CLEC2A: variants seen among roughly 807,000 people sequenced by gnomAD.
CLEC2A encodes the protein C-type lectin domain family 2 member A, also known as keratinocyte-associated C-type lectin.
A neutral mutation model predicts 18.6 loss-of-function variants in CLEC2A; 19 were observed. The ratio of observed to expected loss-of-function variants is 1.02; its 90% CI spans 0.71 to 1.50. The LOEUF is 1.50. CLEC2A is among the 40% of genes most tolerant of loss of function. The pLI is 0.00. For synonymous variants in CLEC2A, 74 were observed against 64.0 expected (o/e 1.16, Z -0.75); for missense variants, 190 against 207.9 (o/e 0.91, Z 0.53).
chr12:9,902,725 A>T (rs111643094), intron 4 of CLEC2A, among the ~76,000 whole-genome samples: 228 of 152,188 alleles, frequency 1.5e-3, no homozygotes, highest in African/African-American at 5.4e-3. Flanking sequence ...TCAGCAAGGC[A>T]ATTTACTTCT....
At chr12:9,895,423 A>G (rs1460201509), downstream of CLEC2A, among the ~76,000 whole-genome samples, 1 of 152,222 alleles carries the variant, frequency 6.6e-6, no homozygotes, top group Non-Finnish European at 1.5e-5. Flanking sequence ...TAGAATACTC[A>G]GGTCTTGCAG....
In CLEC2A at chr12:9,916,851, C is replaced by G. The variant is rs1313353780; in HGVS notation, c.307-48G>C. On this transcript the variant is annotated intron_variant, in intron 3 of 4. Coordinates refer to ENST00000455827, the MANE Select transcript of CLEC2A (RefSeq NM_001130711.2). Reference sequence around the variant, plus strand: ...AGCGATTACTTAATATGTTACAGCACATTGCTGAACATGCTTCCCACCCCA... The same window carrying G: ...AGCGATTACTTAATATGTTACAGCAGATTGCTGAACATGCTTCCCACCCCA... The G allele has an allele frequency of 3.8e-6, 4 of 1,058,834 alleles. No homozygotes were observed. The East Asian group carries it at 1.0e-4, about 28-fold the overall frequency. 65.6% of individuals were successfully genotyped at this position (1,058,834 alleles called of 1,614,324 possible). A position where few individuals can be genotyped will look rare whatever the true frequency, so the allele number is the denominator to read the frequency against.
chr12:9,893,348 C>A, the CLEC2A span: 1 of 813,266 alleles, frequency 1.2e-6, no homozygotes, highest in Non-Finnish European at 1.9e-6. Context: ...TTTATTAATG[C>A]CGGCACAGAG....
At chr12:9,886,986 T>C in the CLEC2A span, among the ~76,000 whole-genome samples, 1 of 151,946 alleles carries the variant, frequency 6.6e-6, no homozygotes, top group African/African-American at 2.4e-5. Flanking sequence ...GCTAACCAAA[T>C]ATCCCGGAGC....
downstream of CLEC2A, among the ~76,000 whole-genome samples, chr12:9,894,087 TTC>T (rs138674082): frequency 8.4e-3 from 1,280 of 151,734 alleles, 27 homozygotes; most frequent in East Asian, 0.063. Flanking sequence ...TTCTCTCTTC[TTC>T]TTTCTCTTTC....
chr12:9,895,547 A>C (rs1862747018), downstream of CLEC2A: 1 of 667,940 alleles, frequency 1.5e-6, no homozygotes, highest in Non-Finnish European at 2.4e-6. Flanking sequence ...AGGCTGCATT[A>C]GCAATGAAAA....
rs760735113 is a variant in CLEC2A at position 9,926,286 on chromosome 12, A to T, written c.113T>A (p.Ile38Asn). 1 of 1,548,398 alleles carries T rather than the reference A, an allele frequency of 6.5e-7. No homozygotes were observed. The highest frequency in any genetic ancestry group is 1.2e-5 in the South Asian group (1 of 84,002). The change falls in exon 2 of 5, where the codon ATT becomes AAT. Residue 38 changes from isoleucine (I) to asparagine (N), a missense_variant. By Grantham distance (149) the Ile-to-Asn change is moderately radical. Coordinates refer to ENST00000455827, the MANE Select transcript of CLEC2A (RefSeq NM_001130711.2). ...IGLMCFLSII[I>N]TTVCIIMIAT... is the part of the protein sequence containing the mutation. The stretch of plus-strand genomic sequence containing the variant: ...TATCATAATAATGCAAACTGTAGTA[A>T]TAATAATACTCAGGAAGCACATAAG...
intron 3 of CLEC2A, among the ~76,000 whole-genome samples, chr12:9,918,774 A>G (rs1409135100): frequency 6.6e-6 from 1 of 152,172 alleles, no homozygotes; most frequent in African/African-American, 2.4e-5. Context: ...CACTCTGACT[A>G]TTTGAGTTAC....
downstream of CLEC2A, chr12:9,895,767 C>T (rs1300472382): frequency 1.3e-5 from 20 of 1,535,746 alleles, no homozygotes; most frequent in Non-Finnish European, 1.5e-5. Flanking sequence ...AAGACTGTAG[C>T]TCCACATTTA....
chr12:9,887,389 T>G, the CLEC2A span, among the ~76,000 whole-genome samples: 46 of 152,288 alleles, frequency 3.0e-4, no homozygotes, highest in Non-Finnish European at 6.5e-4. Context: ...CAAAGCAAAT[T>G]AGCATCAGAT....
chr12:9,926,918 C>T (rs938555096), intron 1 of CLEC2A, among the ~76,000 whole-genome samples: 2 of 152,008 alleles, frequency 1.3e-5, no homozygotes, highest in East Asian at 3.8e-4. Context: ...ATTTGACACT[C>T]GTGGAAATGC....
intron 3 of CLEC2A, among the ~76,000 whole-genome samples, chr12:9,919,586 G>T (rs1267203931): frequency 6.6e-6 from 1 of 152,216 alleles, no homozygotes; most frequent in African/African-American, 2.4e-5. Context: ...GCTGCTACTG[G>T]CTCAATAGCG....
downstream of CLEC2A, among the ~76,000 whole-genome samples, chr12:9,908,722 A>G (rs923217464): frequency 1.3e-5 from 2 of 152,196 alleles, no homozygotes; most frequent in Non-Finnish European, 2.9e-5. Context: ...TTCCACATTT[A>G]AAACATCTAT....
At chr12:9,912,178 T>A (rs1463725979), downstream of CLEC2A, among the ~76,000 whole-genome samples, 1 of 152,192 alleles carries the variant, frequency 6.6e-6, no homozygotes, top group Non-Finnish European at 1.5e-5. Flanking sequence ...CTTATTCTTA[T>A]GAAAGTGGAT....
At chr12:9,879,216 C>G in the CLEC2A span, among the ~76,000 whole-genome samples, 1 of 152,024 alleles carries the variant, frequency 6.6e-6, no homozygotes, top group African/African-American at 2.4e-5. Context: ...GCTTGATATG[C>G]TAAGGAAAAT....
At chr12:9,889,502 C>T in the CLEC2A span, among the ~76,000 whole-genome samples, 2 of 152,030 alleles carry the variant, frequency 1.3e-5, no homozygotes, top group South Asian at 2.1e-4. Flanking sequence ...GAATTTTGAC[C>T]TCCAGACTTC....
At chr12:9,926,209 G>T in intron 2 of CLEC2A, 51 bp downstream of exon 2, 4 of 1,077,682 alleles carry the variant, frequency 3.7e-6, no homozygotes, top group Non-Finnish European at 5.5e-6. Context: ...GATATACATG[G>T]ACCCTTCAGG....
downstream of CLEC2A, among the ~76,000 whole-genome samples, chr12:9,894,408 C>T (rs1031476189): frequency 2.0e-5 from 3 of 152,032 alleles, no homozygotes; most frequent in Non-Finnish European, 4.4e-5. Context: ...GTCTCCAACT[C>T]CTGAGCTCAA....
downstream of CLEC2A, among the ~76,000 whole-genome samples, chr12:9,912,251 G>C (rs1862997980): frequency 6.6e-6 from 1 of 152,174 alleles, no homozygotes; most frequent in Admixed American, 6.5e-5. Context: ...GTGGGGAAGG[G>C]GAAGGCTGTG....
Sources: allele counts gnomAD v4.1 joint callset (sites outside exome capture counted in the v4.1 genomes callset), GRCh38; gene constraint gnomAD v4.1.1; transcripts MANE v1.5; gene names NCBI Gene and HGNC (gene_info 2026-07-23, HGNC 2026-07-21).